Variants in MFGE8 observed in about 807,000 individuals in gnomAD.
The protein encoded by MFGE8 is lactadherin.
In MFGE8, 34 loss-of-function variants were observed where a neutral mutation model predicts 42.6. The observed-to-expected ratio is 0.80, with a 90% CI of 0.61 to 1.06. The LOEUF is 1.06. Among genes scored for constraint, MFGE8 ranks in the 50% least tolerant of loss-of-function variants. MFGE8 has a pLI of 0.00. For synonymous variants in MFGE8, 230 were observed against 214.8 expected (o/e 1.07, Z -0.62); for missense variants, 510 against 516.9 (o/e 0.99, Z 0.13).
At chr15:88,911,152 G>C (rs1898936928) in intron 1 of MFGE8, 1 of 152,546 alleles carries the variant, frequency 6.6e-6, no homozygotes, top group Non-Finnish European at 1.5e-5. Flanking sequence ...GGAAGTCAGG[G>C]CAGAGGAGTG....
intron 1 of MFGE8, 127 bp from the exon 2 acceptor site, chr15:88,910,050 C>T: frequency 8.3e-7 from 1 of 1,210,482 alleles, no homozygotes; most frequent in Non-Finnish European, 1.2e-6. Flanking sequence ...TCTTCCTCTC[C>T]CTCTTCCCCC....
chr15:88,908,007 G>T (rs1898779683), intron 2 of MFGE8, among the ~76,000 whole-genome samples: 2 of 152,246 alleles, frequency 1.3e-5, no homozygotes, highest in East Asian at 1.9e-4. Flanking sequence ...CTCTGGGTGG[G>T]GCACAAATGC....
chr15:88,910,492 G>C lies in MFGE8; in HGVS notation c.74-569C>G, dbSNP rs118092174. 3.2e-4 allele frequency: 59 copies of C among 185,914 alleles called. No homozygotes were observed. In the East Asian group the frequency reaches 8.2e-3, roughly 26 times the overall value. The allele number at this position is 185,914 out of a possible 1,614,324, so 11.5% of individuals were successfully genotyped here. ...GCCAATGACCATGCTAGGCCCCCGA[G>C]ACAGAGAAATCAGATGCAGCGCAGG... On this transcript the variant is annotated intron_variant, in intron 1 of 7. Transcript: ENST00000268150.
intron 6 of MFGE8, chr15:88,900,893 G>C: frequency 1.0e-5 from 1 of 99,560 alleles, no homozygotes; most frequent in Non-Finnish European, 1.8e-5. Flanking sequence ...CCGCCCTGCT[G>C]TCTGTCCATA....
chr15:88,900,478 C>T lies in MFGE8; in HGVS notation c.871-667G>A, dbSNP rs1241295108. ...GGCTCCCTGCGGCGCCGCCCACAGT[C>T]TGACACTGGTCCTGAGGGTGTCCAC... On this transcript the variant is annotated intron_variant, in intron 6 of 7. Coordinates refer to ENST00000268150, the MANE Select transcript of MFGE8 (RefSeq NM_005928.4). 2.0e-5 allele frequency among the ~76,000 whole-genome samples: 3 copies of T among 152,206 alleles called. No homozygotes were observed. The East Asian group carries it at 5.8e-4, about 29-fold the overall frequency.
rs1057328626 is a variant in MFGE8, at chr15:88,905,245, T to G, written c.685+512A>C. On this transcript the variant is annotated intron_variant, in intron 5 of 7. Transcript: ENST00000268150. The surrounding 1 kb of genome is among the most constrained non-coding windows in gnomAD (Gnocchi z 6.6). Reference sequence around the variant, plus strand: ...GGGTGTGGTCGGGAGCCCAGAGATCTAGACCAAGTCTTAATACCTACCAGA... The same window carrying G: ...GGGTGTGGTCGGGAGCCCAGAGATCGAGACCAAGTCTTAATACCTACCAGA... The G allele has an allele frequency of 2.9e-6, 1 of 345,552 alleles. No homozygotes were observed. Among genetic ancestry groups the G allele is most frequent in the Non-Finnish European group, 5.6e-6 (1 of 177,056 alleles). The allele number at this position is 345,552 out of a possible 1,614,324, so 21.4% of individuals were successfully genotyped here.
At chr15:88,907,153 C>T in intron 3 of MFGE8, 42 bp downstream of exon 3, 2 of 1,589,398 alleles carry the variant, frequency 1.3e-6, no homozygotes, top group Non-Finnish European at 1.7e-6. Context: ...TTCATCGAGC[C>T]TTCTCTCCAT....
chr15:88,907,391 G>A lies in MFGE8; in HGVS notation c.206-15C>T. The A allele has an allele frequency of 6.2e-7, 1 of 1,613,852 alleles. No homozygotes were observed. On this transcript the variant is annotated splice_polypyrimidine_tract_variant and intron_variant, in intron 2 of 7. Coordinates refer to ENST00000268150, the MANE Select transcript of MFGE8 (RefSeq NM_005928.4). The stretch of plus-strand genomic sequence containing the variant: ...CTCGACACATTCTGAGGGAAGGGAG[G>A]TGGCAGTCAGGTGGCTACCCCAGCA...
At chr15:88,911,131 A>G (rs2141725688) in intron 1 of MFGE8, 1 of 152,514 alleles carries the variant, frequency 6.6e-6, no homozygotes, top group Non-Finnish European at 1.5e-5. Context: ...GCAGGAGAGC[A>G]TGGTGAGAGA....
chr15:88,899,884 A>C lies in MFGE8; in HGVS notation c.871-73T>G. On this transcript the variant is annotated intron_variant, in intron 6 of 7. Transcript: ENST00000268150. This position sits in a 1 kb window ranked among gnomAD's most constrained non-coding sequence, Gnocchi z 6.8. ...AAGGTGAAAAGAGGCAGACACACTG[A>C]GGCATGAATTCTAGTTTTGAAAAAA... is the stretch of plus-strand genomic sequence containing the variant. 1 of 1,574,644 alleles carries C rather than the reference A, an allele frequency of 6.4e-7. No individual in the cohort carries two copies.
rs1898676327 is a variant in MFGE8 at position 88,906,374 on chromosome 15, A to G, written c.540+252T>C. ...AATGAAACCCAGCTCCACCACCACT[A>G]TCACCCTCAACAGGTCACTGTGCCA... On this transcript the variant is annotated intron_variant, in intron 4 of 7. Coordinates refer to ENST00000268150, the MANE Select transcript of MFGE8 (RefSeq NM_005928.4). The surrounding 1 kb of genome is among the most constrained non-coding windows in gnomAD (Gnocchi z 4.2). The G allele has an allele frequency of 1.9e-6, 1 of 516,338 alleles. No individual in the cohort carries two copies. Among genetic ancestry groups the G allele is most frequent in the Non-Finnish European group, 3.5e-6 (1 of 282,664 alleles). 32.0% of individuals were successfully genotyped at this position (516,338 alleles called of 1,614,324 possible).
At chr15:88,901,097 A>C (rs1164021509) in intron 6 of MFGE8, among the ~76,000 whole-genome samples, 1 of 112,654 alleles carries the variant, frequency 8.9e-6, no homozygotes, top group African/African-American at 2.9e-5. Flanking sequence ...ACACACATTC[A>C]CAAATACACA....
chr15:88,906,573 A>T lies in MFGE8; in HGVS notation c.540+53T>A. The T allele has an allele frequency of 6.2e-7, 1 of 1,609,652 alleles. No homozygotes were observed. The highest frequency in any genetic ancestry group is 8.5e-7 in the Non-Finnish European group (1 of 1,176,562). ...GCTGGGGGTCCTCAGTCAATGCTAGAACCTTAGGGGGTATGGACCACAGCC... is the reference window on the plus strand; with the variant it reads ...GCTGGGGGTCCTCAGTCAATGCTAGTACCTTAGGGGGTATGGACCACAGCC... On this transcript the variant is annotated intron_variant, in intron 4 of 7. Coordinates refer to ENST00000268150, the MANE Select transcript of MFGE8 (RefSeq NM_005928.4). The surrounding 1 kb of genome is among the most constrained non-coding windows in gnomAD (Gnocchi z 4.2).
intron 1 of MFGE8, chr15:88,912,406 C>G: frequency 1.0e-6 from 1 of 985,254 alleles, no homozygotes; most frequent in Non-Finnish European, 1.2e-6. Context: ...GGACATAGGG[C>G]TGGGGCTCAG....
At position 88,902,507 on chromosome 15, in the gene MFGE8, C is replaced by T. The variant is rs1898480527; in HGVS notation, c.686-772G>A. On this transcript the variant is annotated intron_variant, in intron 5 of 7. Transcript: ENST00000268150. This position sits in a 1 kb window ranked among gnomAD's most constrained non-coding sequence, Gnocchi z 4.3. The stretch of plus-strand genomic sequence containing the variant: ...GACAACTCCTGGGGCACAGGAACAT[C>T]TCTATTTCCATTCCCCAGAAGCCCC... 6.6e-6 allele frequency: 1 copy of T among 152,300 alleles called. No individual in the cohort carries two copies. Among genetic ancestry groups the T allele is most frequent in the Non-Finnish European group, 1.5e-5 (1 of 68,094 alleles). 9.4% of individuals were successfully genotyped at this position (152,300 alleles called of 1,614,324 possible).
Position 88,901,603 on chromosome 15 carries a change from C to T in MFGE8, c.818G>A (p.Gly273Asp). ...NPSYARLDKQ[G>D]NFNAWVAGSY... The stretch of plus-strand genomic sequence containing the variant: ...CCCCGCAACCCAGGCGTTGAAGTTG[C>T]CCTGCTTGTCCAGCCGTGCATAGGA... Residue 273 changes from glycine to aspartate, a missense_variant, in exon 6 of 8, where the codon GGC (glycine) becomes GAC (aspartate). Transcript: ENST00000268150. 1 of 1,609,376 alleles carries T rather than the reference C, an allele frequency of 6.2e-7. No homozygotes were observed. Among genetic ancestry groups the T allele is most frequent in the Non-Finnish European group, 8.5e-7 (1 of 1,177,500 alleles).
In MFGE8 at chr15:88,899,024, G is replaced by A; in HGVS notation, c.*371C>T. On this transcript the variant is annotated 3_prime_UTR_variant, in exon 8 of 8. Coordinates refer to ENST00000268150, the MANE Select transcript of MFGE8 (RefSeq NM_005928.4). This position sits in a 1 kb window ranked among gnomAD's most constrained non-coding sequence, Gnocchi z 6.8. ...TTTCTTGAGGCCACCATGGGAATGT[G>A]ATGTGTGAGAGAGGGGCTAGGAGAG... 3.0e-6 allele frequency: 1 copy of A among 330,858 alleles called. No individual in the cohort carries two copies. The highest frequency in any genetic ancestry group is 5.8e-6 in the Non-Finnish European group (1 of 171,476). The allele number at this position is 330,858 out of a possible 1,614,324, so 20.5% of individuals were successfully genotyped here.
At chr15:88,907,431 G>C in intron 2 of MFGE8, 55 bp from the exon 3 acceptor site, 1 of 1,532,244 alleles carries the variant, frequency 6.5e-7, no homozygotes, top group Non-Finnish European at 9.0e-7. Context: ...CCCGGGCCCA[G>C]CTGGGACCCA....
intron 6 of MFGE8, 83 bp downstream of exon 6, chr15:88,901,468 T>C (rs1406501173): frequency 7.2e-7 from 1 of 1,395,958 alleles, no homozygotes; most frequent in Non-Finnish European, 1.0e-6. Flanking sequence ...AAGAGAAGCC[T>C]GGGCTGGAGA....
Sources: gnomAD v4.1 joint callset for allele counts (sites outside exome capture counted in the v4.1 genomes callset) on GRCh38, gnomAD v4.1.1 for gene constraint, Gnocchi (gnomAD v3.1) non-coding constraint, MANE v1.5 for transcripts, NCBI Gene and HGNC (gene_info 2026-07-23, HGNC 2026-07-21) for gene names.